The following TAFA5 variants were observed in gnomAD, a reference collection of about 807,000 sequenced individuals.
TAFA5 encodes chemokine-like protein TAFA-5.
Under a neutral mutation model 15.3 loss-of-function variants are expected in TAFA5, and 6 were observed. The ratio of observed to expected loss-of-function variants is 0.39; its 90% CI spans 0.21 to 0.77. The LOEUF (loss-of-function observed/expected upper bound fraction) is 0.77. TAFA5 is among the 30% of genes least tolerant of loss of function. The pLI, the probability that TAFA5 is intolerant of heterozygous loss-of-function variation, is 0.41. For synonymous variants in TAFA5, 103 were observed against 80.7 expected (o/e 1.28, Z -1.48); for missense variants, 161 against 193.1 (o/e 0.83, Z 0.98).
chr22:48,528,389 C>T (rs1212536104), intron 1 of TAFA5, among the ~76,000 whole-genome samples: 1 of 152,080 alleles, frequency 6.6e-6, no homozygotes, highest in Non-Finnish European at 1.5e-5. Flanking sequence ...CTGTGTATAG[C>T]CAAGGCCATA....
intron 2 of TAFA5, among the ~76,000 whole-genome samples, chr22:48,685,281 C>G (rs977138857): frequency 6.6e-6 from 1 of 152,194 alleles, no homozygotes; most frequent in Admixed American, 6.5e-5. Flanking sequence ...CTGTAAGCAG[C>G]AGGCTTCAGA....
intron 1 of TAFA5, chr22:48,547,248 G>A (rs1446951169): frequency 6.6e-6 from 1 of 152,326 alleles, no homozygotes; most frequent in Non-Finnish European, 1.5e-5. Flanking sequence ...CCTAGTGGGA[G>A]TCAGGACTGG....
chr22:48,667,591 T>C (rs904016450), intron 2 of TAFA5, among the ~76,000 whole-genome samples: 2 of 152,120 alleles, frequency 1.3e-5, no homozygotes, highest in African/African-American at 4.8e-5. Context: ...ATCTTGAGGG[T>C]CCTTGAGACT....
chr22:48,710,885 G>A (rs570479780), intron 3 of TAFA5, among the ~76,000 whole-genome samples: 1 of 152,198 alleles, frequency 6.6e-6, no homozygotes, highest in South Asian at 2.1e-4. Context: ...CTGCGGCTGG[G>A]TGAGCTGGAG....
At chr22:48,522,365 A>C (rs909541163) in intron 1 of TAFA5, among the ~76,000 whole-genome samples, 28 of 151,484 alleles carry the variant, frequency 1.8e-4, no homozygotes, top group African/African-American at 6.3e-4. Context: ...GGCTGGGGGG[A>C]TGCAGACCCC....
At chr22:48,694,380 C>A (rs1211741654) in intron 2 of TAFA5, among the ~76,000 whole-genome samples, 1 of 151,674 alleles carries the variant, frequency 6.6e-6, no homozygotes, top group Non-Finnish European at 1.5e-5. Context: ...GCTGGCACTG[C>A]TGGGACACCC....
chr22:48,681,687 CAG>C (rs1250269625), intron 2 of TAFA5, among the ~76,000 whole-genome samples: 1 of 150,888 alleles, frequency 6.6e-6, no homozygotes, highest in Non-Finnish European at 1.5e-5. Flanking sequence ...AAGAAAAAAA[CAG>C]AGGCAAGAAG....
At chr22:48,683,192 C>T (rs1244716356) in intron 2 of TAFA5, among the ~76,000 whole-genome samples, 3 of 152,180 alleles carry the variant, frequency 2.0e-5, no homozygotes, top group Non-Finnish European at 4.4e-5. Flanking sequence ...CACACAGACA[C>T]ACACACACTC....
At chr22:48,635,774 G>A (rs1926423127) in intron 1 of TAFA5, among the ~76,000 whole-genome samples, 2 of 152,320 alleles carry the variant, frequency 1.3e-5, no homozygotes, top group Non-Finnish European at 2.9e-5. Flanking sequence ...GTGTCCCTGA[G>A]GAGCCAGTGC....
At chr22:48,516,307 C>T (rs1395792144) in intron 1 of TAFA5, among the ~76,000 whole-genome samples, 3 of 152,176 alleles carry the variant, frequency 2.0e-5, no homozygotes, top group Non-Finnish European at 4.4e-5. Context: ...TTTCTTAATA[C>T]TCTTCCTGGT....
chr22:48,744,622 G>A (rs1601712476), intron 3 of TAFA5, among the ~76,000 whole-genome samples: 1 of 152,174 alleles, frequency 6.6e-6, no homozygotes, highest in South Asian at 2.1e-4. Context: ...GTTAGAGAGC[G>A]GTGCTAAACC....
chr22:48,561,463 C>T (rs756320990), intron 1 of TAFA5, among the ~76,000 whole-genome samples: 1 of 152,154 alleles, frequency 6.6e-6, no homozygotes, highest in Non-Finnish European at 1.5e-5. Context: ...GTGTTTCCAG[C>T]CTCGTTTCGT....
At chr22:48,612,603 T>G (rs1265950869) in intron 1 of TAFA5, among the ~76,000 whole-genome samples, 1 of 151,790 alleles carries the variant, frequency 6.6e-6, no homozygotes, top group African/African-American at 2.4e-5. Flanking sequence ...ACCTGTCTGC[T>G]GTTCCCCACG....
chr22:48,578,026 G>T (rs1232237849), intron 1 of TAFA5, among the ~76,000 whole-genome samples: 1 of 152,236 alleles, frequency 6.6e-6, no homozygotes, highest in African/African-American at 2.4e-5. Context: ...TGTCAGGACT[G>T]TGGGAGCCAC....
At chr22:48,747,966 A>G (rs1409976473) in intron 3 of TAFA5, among the ~76,000 whole-genome samples, 1 of 151,742 alleles carries the variant, frequency 6.6e-6, no homozygotes, top group Non-Finnish European at 1.5e-5. Context: ...TTAACGTCAG[A>G]TGGAAACTTC....
At chr22:48,672,026 GT>G (rs1400512801) in intron 2 of TAFA5, among the ~76,000 whole-genome samples, 1 of 152,210 alleles carries the variant, frequency 6.6e-6, no homozygotes, top group African/African-American at 2.4e-5. Flanking sequence ...TGTAAAGGGT[GT>G]TTGTAACACT....
intron 1 of TAFA5, among the ~76,000 whole-genome samples, chr22:48,613,830 GT>G (rs911097504): frequency 1.2e-4 from 19 of 152,298 alleles, no homozygotes; most frequent in African/African-American, 4.3e-4. Flanking sequence ...CGAGCTCCTG[GT>G]GGGTCCTGAA....
chr22:48,639,295 C>T (rs1926590255), intron 1 of TAFA5, among the ~76,000 whole-genome samples: 1 of 152,234 alleles, frequency 6.6e-6, no homozygotes, highest in Non-Finnish European at 1.5e-5. Flanking sequence ...GCCTGCGGGG[C>T]CCCTCAGCTG....
chr22:48,501,053 C>T (rs1251878589), intron 1 of TAFA5, among the ~76,000 whole-genome samples: 4 of 152,212 alleles, frequency 2.6e-5, no homozygotes, highest in Non-Finnish European at 5.9e-5. Flanking sequence ...CCCAGGGCTT[C>T]TGGCCCTGCC....
Sources: gnomAD v4.1 joint callset for allele counts (sites outside exome capture counted in the v4.1 genomes callset) on GRCh38, gnomAD v4.1.1 for gene constraint, MANE v1.5 for transcripts, NCBI Gene and HGNC (gene_info 2026-07-23, HGNC 2026-07-21) for gene names.